The following BAHCC1 variants were observed in gnomAD, a reference collection of about 807,000 sequenced individuals.
BAHCC1 encodes BAH and coiled-coil domain-containing protein 1.
A neutral mutation model predicts 88.2 loss-of-function variants in BAHCC1; 43 were observed. The observed-to-expected ratio is 0.49, with a 90% CI of 0.38 to 0.63. The LOEUF (loss-of-function observed/expected upper bound fraction) is 0.63. Among genes scored for constraint, BAHCC1 ranks in the 20% least tolerant of loss-of-function variants. BAHCC1 has a pLI of 0.00. For synonymous variants in BAHCC1, 1,510 were observed against 745.5 expected, an observed-to-expected ratio of 2.03 and a Z score of -16.71; for missense variants, 3,023 against 1,654.8, an observed-to-expected ratio of 1.83 and a Z score of -14.34.
intron 23 of BAHCC1, 82 bp downstream of exon 23, chr17:81,459,686 C>T (rs573135033): frequency 5.4e-5 from 40 of 735,666 alleles, no homozygotes; most frequent in South Asian, 1.4e-4. Context: ...GCCTGGCTTC[C>T]GAGGCTGGCG....
intron 3 of BAHCC1, among the ~76,000 whole-genome samples, chr17:81,429,125 T>G (rs954625810): frequency 4.5e-4 from 69 of 152,192 alleles, no homozygotes; most frequent in African/African-American, 1.4e-3. Context: ...CCGTGTCAGG[T>G]GGGGGTGGGC....
At chr17:81,418,092 C>G (rs560312755) in intron 2 of BAHCC1, among the ~76,000 whole-genome samples, 41 of 152,230 alleles carry the variant, frequency 2.7e-4, no homozygotes, top group Non-Finnish European at 4.7e-4. Flanking sequence ...CACTTCCAGG[C>G]TGTGGGGGCA....
At chr17:81,456,779 C>A (rs1237959021) in intron 16 of BAHCC1, among the ~76,000 whole-genome samples, 194 bp downstream of exon 16, 15 of 152,208 alleles carry the variant, frequency 9.9e-5, no homozygotes, top group African/African-American at 2.9e-4. Context: ...AGACCCCCAT[C>A]CCCAGGCAGA....
intron 3 of BAHCC1, 27 bp downstream of exon 3, chr17:81,427,006 G>A (rs2064208148): frequency 1.0e-5 from 4 of 398,536 alleles, no homozygotes; most frequent in East Asian, 7.1e-5. Flanking sequence ...GGCTCCCAGC[G>A]ACACCCTGGT....
At position 81,463,971 on chromosome 17, in the gene BAHCC1, A is replaced by G. The variant is rs1555660171; in HGVS notation, c.*154A>G. ...CACAGGGCAAGACCCAGGCTTTCTT[A>G]CGGTTTTCCCTGGAAAGAGCGCTCC... On this transcript the variant is annotated 3_prime_UTR_variant, in exon 28 of 28. Transcript: ENST00000675386. 3 of 615,664 alleles carry G rather than the reference A, an allele frequency of 4.9e-6. No homozygotes were observed. Among genetic ancestry groups the G allele is most frequent in the Non-Finnish European group, 5.8e-6 (2 of 343,978 alleles). 38.1% of individuals were successfully genotyped at this position (615,664 alleles called of 1,614,324 possible).
At chr17:81,450,426 G>C (rs1325357750) in intron 11 of BAHCC1, among the ~76,000 whole-genome samples, 1 of 152,132 alleles carries the variant, frequency 6.6e-6, no homozygotes, top group Non-Finnish European at 1.5e-5. Flanking sequence ...CCCAAGATGG[G>C]CCATCCCTTC....
chr17:81,405,766 AC>A (rs1462922104), intron 2 of BAHCC1, among the ~76,000 whole-genome samples: 1 of 151,984 alleles, frequency 6.6e-6, no homozygotes, highest in Non-Finnish European at 1.5e-5. Context: ...TACCATAAAT[AC>A]CTGAATATAG....
intron 2 of BAHCC1, among the ~76,000 whole-genome samples, chr17:81,417,039 G>A (rs934506125): frequency 6.6e-6 from 1 of 152,310 alleles, no homozygotes; most frequent in African/African-American, 2.4e-5. Flanking sequence ...CAGGGCAGGG[G>A]GTGGGGGCTC....
Position 81,464,711 on chromosome 17 carries a change from C to T in BAHCC1, c.*894C>T, listed in dbSNP as rs1055941899. ...AGAAAAAGCAATGTTTGGATTGTAT[C>T]TGCTGAATCATATTCCAACCTATAT... On this transcript the variant is annotated 3_prime_UTR_variant, in exon 28 of 28. Coordinates refer to ENST00000675386, the MANE Select transcript of BAHCC1 (RefSeq NM_001377448.1). 3.9e-5 allele frequency: 6 copies of T among 152,584 alleles called. No individual in the cohort carries two copies. Among genetic ancestry groups the T allele is most frequent in the African/African-American group, 9.6e-5 (4 of 41,466 alleles). The allele number at this position is 152,584 out of a possible 1,614,324, so 9.5% of individuals were successfully genotyped here. A position where few individuals can be genotyped will look rare whatever the true frequency, so the allele number is the denominator to read the frequency against.
chr17:81,413,130 C>A, intron 2 of BAHCC1: 1 of 445,820 alleles, frequency 2.2e-6, no homozygotes, highest in Non-Finnish European at 4.5e-6. Flanking sequence ...TGAGGCCCCC[C>A]ACAGCAGCCA....
intron 2 of BAHCC1, among the ~76,000 whole-genome samples, chr17:81,423,657 C>A (rs569865808): frequency 6.6e-6 from 1 of 152,234 alleles, no homozygotes. Context: ...GAGTGGGGGC[C>A]GCTCAGTGAC....
intron 15 of BAHCC1, among the ~76,000 whole-genome samples, chr17:81,455,713 G>A (rs1555657105): frequency 6.6e-6 from 1 of 152,206 alleles, no homozygotes; most frequent in Admixed American, 6.5e-5. Context: ...TTCTTCAGGT[G>A]GCCCAGGGCA....
chr17:81,423,081 C>T (rs1598469346), intron 2 of BAHCC1, among the ~76,000 whole-genome samples: 2 of 152,136 alleles, frequency 1.3e-5, no homozygotes, highest in African/African-American at 2.4e-5. Flanking sequence ...CACCTTCACC[C>T]CCTGCCCTGG....
chr17:81,421,996 A>G, intron 2 of BAHCC1: 1 of 358,986 alleles, frequency 2.8e-6, no homozygotes, highest in African/African-American at 2.3e-5. Context: ...GTCTCGGGTG[A>G]CTCCGCTTCC....
chr17:81,437,369 C>T (rs1396425883), intron 3 of BAHCC1, among the ~76,000 whole-genome samples: 5 of 152,112 alleles, frequency 3.3e-5, no homozygotes, highest in African/African-American at 1.2e-4. Context: ...GGGTCTGAGT[C>T]TCAGAGCTCT....
intron 1 of BAHCC1, among the ~76,000 whole-genome samples, chr17:81,398,281 C>T (rs565417043): frequency 8.1e-4 from 123 of 152,314 alleles, no homozygotes; most frequent in South Asian, 6.2e-4. Flanking sequence ...CTGGCTCCGA[C>T]CCTCCGCACC....
intron 4 of BAHCC1, among the ~76,000 whole-genome samples, chr17:81,440,735 GTTTC>G (rs1568015962): frequency 2.0e-5 from 3 of 152,214 alleles, no homozygotes; most frequent in Admixed American, 1.3e-4. Flanking sequence ...CTGGGCAACC[GTTTC>G]AGGGACCCCA....
At chr17:81,454,907 C>T (rs1409645023) in intron 14 of BAHCC1, among the ~76,000 whole-genome samples, 5 of 152,222 alleles carry the variant, frequency 3.3e-5, no homozygotes, top group Non-Finnish European at 5.9e-5. Flanking sequence ...GTCACTGTGG[C>T]TAGGACCAGA....
In BAHCC1 at chr17:81,460,889, G is replaced by A. The variant is rs1555659031; in HGVS notation, c.6226G>A (p.Gly2076Ser). 1.3e-6 allele frequency: 1 copy of A among 766,940 alleles called. No homozygotes were observed. Among genetic ancestry groups the A allele is most frequent in the South Asian group, 1.3e-5 (1 of 74,618 alleles). 47.5% of individuals were successfully genotyped at this position (766,940 alleles called of 1,614,324 possible). A position where few individuals can be genotyped will look rare whatever the true frequency, so the allele number is the denominator to read the frequency against. The change falls in exon 26 of 28, where the codon GGT becomes AGT. Residue 2076 changes from glycine (G) to serine (S), a missense_variant. By Grantham distance (56) the Gly-to-Ser change is moderately conservative. Transcript: ENST00000675386. ...KAGKAELLTS[G>S]AKSPTGASDH... ...AGGTAAAGCCGAACTCCTAACCTCA[G>A]GTGCCAAATCCCCCACGGGGGCCTC... is the stretch of plus-strand genomic sequence containing the variant.
Sources: allele counts gnomAD v4.1 joint callset (sites outside exome capture counted in the v4.1 genomes callset), GRCh38; gene constraint gnomAD v4.1.1; transcripts MANE v1.5; gene names NCBI Gene and HGNC (gene_info 2026-07-23, HGNC 2026-07-21).